Variants in RAPGEF5 observed in about 807,000 individuals in gnomAD.
RAPGEF5 encodes the protein Rap guanine nucleotide exchange factor 5.
A neutral mutation model predicts 125.2 loss-of-function variants in RAPGEF5; 65 were observed. That is an observed-to-expected ratio of 0.52 (90% CI 0.43 to 0.64). The LOEUF is 0.64. Ranked by LOEUF, RAPGEF5 falls within the 30% of genes least tolerant of loss-of-function variation. The pLI, the probability that RAPGEF5 is intolerant of heterozygous loss-of-function variation, is 0.00. For synonymous variants in RAPGEF5, 391 were observed against 385.9 expected (o/e 1.01, Z -0.16); for missense variants, 958 against 1,048.1 (o/e 0.91, Z 1.19).
chr7:22,239,657 C>T (rs1786275689), intron 7 of RAPGEF5, among the ~76,000 whole-genome samples: 1 of 152,072 alleles, frequency 6.6e-6, no homozygotes, highest in African/African-American at 2.4e-5. Flanking sequence ...CTAAGACTCT[C>T]CAAGCTTCTC....
At chr7:22,308,579 A>T (rs1783398297) in intron 4 of RAPGEF5, 72 bp from the exon 5 acceptor site, 2 of 1,225,086 alleles carry the variant, frequency 1.6e-6, no homozygotes, top group Non-Finnish European at 2.2e-6. Flanking sequence ...CTCAAATGAT[A>T]AATTGAAAGC....
At chr7:22,306,630 G>A (rs997264665) in intron 5 of RAPGEF5, among the ~76,000 whole-genome samples, 1 of 152,158 alleles carries the variant, frequency 6.6e-6, no homozygotes, top group African/African-American at 2.4e-5. Context: ...TATTGCTCAA[G>A]AAATTTTTAC....
At chr7:22,197,835 T>C (rs998042452) in intron 9 of RAPGEF5, among the ~76,000 whole-genome samples, 2 of 148,416 alleles carry the variant, frequency 1.3e-5, no homozygotes, top group Non-Finnish European at 3.0e-5. Context: ...TGAATGCATT[T>C]GCATTTTAAA....
chr7:22,139,753 G>A (rs978285421), intron 21 of RAPGEF5: 4 of 331,038 alleles, frequency 1.2e-5, no homozygotes, highest in South Asian at 5.1e-5. Context: ...ATCATCATGC[G>A]GGGAGACTGT....
chr7:22,220,067 T>C, intron 8 of RAPGEF5, 76 bp from the exon 9 acceptor site: 1 of 1,524,452 alleles, frequency 6.6e-7, no homozygotes. Context: ...AAAGTTCACC[T>C]TATAATAAGC....
At chr7:22,343,807 G>A (rs1784172663) in intron 1 of RAPGEF5, among the ~76,000 whole-genome samples, 1 of 152,032 alleles carries the variant, frequency 6.6e-6, no homozygotes, top group Non-Finnish European at 1.5e-5. Flanking sequence ...TTCAGAACAT[G>A]TTCAATACAC....
At chr7:22,141,822 T>C (rs1446295095) in intron 20 of RAPGEF5, among the ~76,000 whole-genome samples, 2 of 152,148 alleles carry the variant, frequency 1.3e-5, no homozygotes, top group African/African-American at 4.8e-5. Flanking sequence ...CCTTACGTGG[T>C]TTTTTGCCAA....
chr7:22,145,287 T>C (rs1247473538), intron 19 of RAPGEF5, 65 bp from the exon 20 acceptor site: 18 of 1,475,592 alleles, frequency 1.2e-5, no homozygotes, highest in Non-Finnish European at 1.5e-5. Context: ...CAAAACTCGG[T>C]CAAATTTTAA....
chr7:22,328,225 C>T (rs77107523), intron 1 of RAPGEF5, among the ~76,000 whole-genome samples: 10,622 of 152,262 alleles, frequency 0.07, 477 homozygotes, highest in South Asian at 0.16. Flanking sequence ...GAAGGGAAAA[C>T]AGGATGTGTG....
intron 11 of RAPGEF5, among the ~76,000 whole-genome samples, chr7:22,170,858 A>AT (rs1305364135): frequency 6.6e-6 from 1 of 152,234 alleles, no homozygotes; most frequent in Non-Finnish European, 1.5e-5. Flanking sequence ...ATGAGGCTAT[A>AT]TAAAAACAGC....
chr7:22,348,804 G>A (rs771447409), intron 1 of RAPGEF5, among the ~76,000 whole-genome samples: 21 of 152,318 alleles, frequency 1.4e-4, no homozygotes, highest in Non-Finnish European at 2.6e-4. Context: ...TATAAGTGAT[G>A]GATTGGGTAC....
At chr7:22,166,696 A>G (rs1784178592) in intron 12 of RAPGEF5, among the ~76,000 whole-genome samples, 1 of 152,222 alleles carries the variant, frequency 6.6e-6, no homozygotes, top group Admixed American at 6.5e-5. Context: ...GTGGTCTGAC[A>G]CTTAACTGAT....
chr7:22,200,804 G>A (rs1785260117), intron 9 of RAPGEF5, among the ~76,000 whole-genome samples: 1 of 152,146 alleles, frequency 6.6e-6, no homozygotes, highest in African/African-American at 2.4e-5. Context: ...GCAAGCCTAG[G>A]AATTTGATCC....
chr7:22,348,826 C>T (rs1352437178), intron 1 of RAPGEF5, among the ~76,000 whole-genome samples: 2 of 152,196 alleles, frequency 1.3e-5, no homozygotes, highest in Non-Finnish European at 2.9e-5. Flanking sequence ...GTGGCTCACG[C>T]CTGTAATCCC....
chr7:22,249,025 T>G (rs192057962), intron 7 of RAPGEF5, among the ~76,000 whole-genome samples: 15 of 152,314 alleles, frequency 9.8e-5, no homozygotes, highest in Admixed American at 9.1e-4. Context: ...CTCAACTGAT[T>G]TTAATAAGTC....
At chr7:22,288,865 A>G (rs528019218) in intron 6 of RAPGEF5, among the ~76,000 whole-genome samples, 3 of 152,364 alleles carry the variant, frequency 2.0e-5, no homozygotes, top group East Asian at 3.9e-4. Context: ...TCTTCAACTT[A>G]TCTTCACTCT....
At chr7:22,309,852 A>G (rs1027209913) in intron 4 of RAPGEF5, 117 bp downstream of exon 4, 30 of 1,165,976 alleles carry the variant, frequency 2.6e-5, no homozygotes, top group Non-Finnish European at 3.5e-5. Context: ...GAATACAAAT[A>G]TTTATCTTCA....
intron 9 of RAPGEF5, among the ~76,000 whole-genome samples, chr7:22,211,181 C>T (rs1785499516): frequency 1.3e-5 from 2 of 152,280 alleles, no homozygotes; most frequent in Admixed American, 1.3e-4. Context: ...CACCCACTTC[C>T]CACTGCAAAA....
At chr7:22,223,387 C>A (rs1364661473) in intron 8 of RAPGEF5, among the ~76,000 whole-genome samples, 1 of 152,134 alleles carries the variant, frequency 6.6e-6, no homozygotes, top group Non-Finnish European at 1.5e-5. Context: ...TCTGTTTGAA[C>A]TGATAGGGAC....
Sources: gnomAD v4.1 joint callset for allele counts (sites outside exome capture counted in the v4.1 genomes callset) on GRCh38, gnomAD v4.1.1 for gene constraint, MANE v1.5 for transcripts, NCBI Gene and HGNC (gene_info 2026-07-23, HGNC 2026-07-21) for gene names.